MEI4: variants seen among roughly 807,000 people sequenced by gnomAD.
MEI4 encodes meiotic double-stranded break formation protein 4.
MEI4 carries 27 observed loss-of-function variants against 31.4 expected under a neutral mutation model. The ratio of observed to expected loss-of-function variants is 0.86; its 90% confidence interval spans 0.63 to 1.19. The LOEUF (loss-of-function observed/expected upper bound fraction) is 1.19. Ranked by LOEUF, MEI4 falls within the 50% of genes most tolerant of loss-of-function variation. The probability of loss-of-function intolerance (pLI) is 0.00; values close to 1 mark genes in which losing one functional copy is unlikely to be tolerated. For synonymous variants in MEI4, 122 were observed against 145.4 expected, an observed-to-expected ratio of 0.84 and a Z score of 1.16; for missense variants, 329 against 398.9, an observed-to-expected ratio of 0.82 and a Z score of 1.49.
chr6:77,769,291 A>G (rs1230514912), intron 3 of MEI4, among the ~76,000 whole-genome samples: 1 of 152,164 alleles, frequency 6.6e-6, no homozygotes, highest in East Asian at 1.9e-4. Context: ...GCTTGTGCCC[A>G]TAGAGGGAAT....
intron 4 of MEI4, among the ~76,000 whole-genome samples, chr6:77,908,033 A>G (rs1239385733): frequency 1.4e-5 from 2 of 147,064 alleles, no homozygotes; most frequent in Non-Finnish European, 3.0e-5. Context: ...AGTTCATTGT[A>G]GATTCTGGAT....
intron 2 of MEI4, among the ~76,000 whole-genome samples, chr6:77,698,460 C>A (rs537513763): frequency 5.6e-4 from 86 of 152,222 alleles, no homozygotes; most frequent in African/African-American, 2.0e-3. Flanking sequence ...TAGGGCAGGC[C>A]TGGTGGTGAC....
chr6:77,918,246 T>A (rs1458075982), intron 4 of MEI4, among the ~76,000 whole-genome samples: 1 of 151,766 alleles, frequency 6.6e-6, no homozygotes, highest in African/African-American at 2.4e-5. Flanking sequence ...GACTTGGCGA[T>A]GCAGGCTCTT....
chr6:77,773,532 A>G (rs1166469119), intron 3 of MEI4, among the ~76,000 whole-genome samples: 1 of 152,014 alleles, frequency 6.6e-6, no homozygotes, highest in African/African-American at 2.4e-5. Flanking sequence ...CAAAAATCAA[A>G]TCACAGTGGA....
At chr6:77,871,311 G>A (rs1036225639) in intron 4 of MEI4, among the ~76,000 whole-genome samples, 9 of 152,146 alleles carry the variant, frequency 5.9e-5, no homozygotes, top group African/African-American at 2.2e-4. Flanking sequence ...AAAAACAAAA[G>A]TCTACCTAAA....
intron 4 of MEI4, among the ~76,000 whole-genome samples, chr6:77,835,834 A>G (rs1242300187): frequency 2.0e-5 from 3 of 152,114 alleles, no homozygotes; most frequent in African/African-American, 4.8e-5. Flanking sequence ...GTTAAAATGA[A>G]TAAATTATTT....
intron 4 of MEI4, among the ~76,000 whole-genome samples, chr6:77,877,150 CAA>C (rs1436670708): frequency 6.6e-6 from 1 of 151,912 alleles, no homozygotes; most frequent in African/African-American, 2.4e-5. Context: ...ATTTATTTCA[CAA>C]AGATATAAAA....
chr6:77,822,627 T>G, intron 3 of MEI4, among the ~76,000 whole-genome samples: 1 of 148,514 alleles, frequency 6.7e-6, no homozygotes, highest in South Asian at 2.4e-4. Flanking sequence ...CCCCCCCTTT[T>G]TTTTTTTCTT....
chr6:77,878,440 A>G (rs2127727756), intron 4 of MEI4, among the ~76,000 whole-genome samples: 1 of 152,258 alleles, frequency 6.6e-6, no homozygotes, highest in Non-Finnish European at 1.5e-5. Context: ...AAAAATGAAC[A>G]TAATAATAGA....
At chr6:77,862,421 G>T (rs982212217) in intron 4 of MEI4, among the ~76,000 whole-genome samples, 2 of 152,238 alleles carry the variant, frequency 1.3e-5, no homozygotes, top group Non-Finnish European at 2.9e-5. Context: ...CACAACAGGA[G>T]ATTATATCCC....
intron 1 of MEI4, among the ~76,000 whole-genome samples, chr6:77,678,525 C>T (rs1230203278): frequency 2.0e-5 from 3 of 152,248 alleles, no homozygotes; most frequent in Non-Finnish European, 4.4e-5. Flanking sequence ...GCTGAAAAAT[C>T]CTTGTCTCCT....
intron 4 of MEI4, among the ~76,000 whole-genome samples, chr6:77,842,680 T>C (rs1770393861): frequency 6.6e-6 from 1 of 152,098 alleles, no homozygotes; most frequent in South Asian, 2.1e-4. Context: ...AAGCATTCTT[T>C]TCCCACAGTA....
intron 2 of MEI4, among the ~76,000 whole-genome samples, chr6:77,745,806 C>A (rs367564743): frequency 8.6e-5 from 13 of 152,040 alleles, no homozygotes; most frequent in South Asian, 4.2e-4. Context: ...AGAACTCAGG[C>A]TTAAGAATCT....
intron 1 of MEI4, among the ~76,000 whole-genome samples, chr6:77,660,149 G>C (rs537634642): frequency 6.6e-6 from 1 of 152,056 alleles, no homozygotes; most frequent in East Asian, 1.9e-4. Flanking sequence ...CAGCTGTGTA[G>C]GCACTGGAAG....
At position 77,847,200 on chromosome 6, in the gene MEI4, C is replaced by T. The variant is rs1451086926; in HGVS notation, c.900+18138C>T. Among the ~76,000 whole-genome samples the T allele has an allele frequency of 6.6e-6, 1 of 151,942 alleles. No homozygotes were observed. The highest frequency in any genetic ancestry group is 6.6e-5 in the Admixed American group (1 of 15,232). On this transcript the variant is annotated intron_variant, in intron 4 of 4. Transcript: ENST00000684080. The surrounding 1 kb of genome is among the most constrained non-coding windows in gnomAD (Gnocchi z 4.6). ...TGTTCTGAAATGGTGTGTATGGAGC[C>T]AGTATATACAGAACAAATAGTTGTG... is the stretch of plus-strand genomic sequence containing the variant.
intron 2 of MEI4, among the ~76,000 whole-genome samples, chr6:77,712,844 G>A (rs1210578856): frequency 2.6e-5 from 4 of 151,882 alleles, no homozygotes; most frequent in African/African-American, 4.8e-5. Flanking sequence ...GGTGGTGGGC[G>A]CCTGTAGTCC....
Position 77,831,996 on chromosome 6 carries a change from G to T in MEI4, c.900+2934G>T, listed in dbSNP as rs142049846. Among the ~76,000 whole-genome samples the T allele has an allele frequency of 2.6e-5, 4 of 151,818 alleles. No homozygotes were observed. In the East Asian group the frequency reaches 7.7e-4, roughly 29 times the overall value. ...CCAATAACCCTGATTTGATAATTAC[G>T]CATTGTATACATGTATGAAAATATC... On this transcript the variant is annotated intron_variant, in intron 4 of 4. Transcript: ENST00000684080.
At chr6:77,807,151 T>C (rs1769461641) in intron 3 of MEI4, among the ~76,000 whole-genome samples, 1 of 151,882 alleles carries the variant, frequency 6.6e-6, no homozygotes, top group Non-Finnish European at 1.5e-5. Context: ...TCATAAGTTT[T>C]TTTTTTTTTT....
At chr6:77,818,422 T>C (rs1562000966) in intron 3 of MEI4, among the ~76,000 whole-genome samples, 1 of 152,134 alleles carries the variant, frequency 6.6e-6, no homozygotes, top group Non-Finnish European at 1.5e-5. Context: ...TTTCTAGTTT[T>C]TTAAAACAGA....
Sources: gnomAD v4.1 joint callset for allele counts (sites outside exome capture counted in the v4.1 genomes callset) on GRCh38, gnomAD v4.1.1 for gene constraint, Gnocchi (gnomAD v3.1) non-coding constraint, MANE v1.5 for transcripts, NCBI Gene and HGNC (gene_info 2026-07-23, HGNC 2026-07-21) for gene names.